Variants in MTPN observed in about 807,000 individuals in gnomAD.
MTPN encodes granule cell differentiation protein.
Under a neutral mutation model 13.5 loss-of-function variants are expected in MTPN, and 2 were observed. The ratio of observed to expected loss-of-function variants is 0.15; its 90% CI spans 0.06 to 0.47. MTPN has a LOEUF of 0.47. MTPN is among the 20% of genes least tolerant of loss of function. The pLI, the probability that MTPN is intolerant of heterozygous loss-of-function variation, is 0.97. For missense variants in MTPN, 79 were observed against 137.9 expected (o/e 0.57, Z 2.14); for synonymous variants, 46 against 51.7 (o/e 0.89, Z 0.48).
chr7:135,933,097 T>TAAA (rs1799050241), intron 3 of MTPN, among the ~76,000 whole-genome samples: 1 of 45,316 alleles, frequency 2.2e-5, no homozygotes. Context: ...TCACTCAGCC[T>TAAA]CAAAAAAAAA....
At chr7:135,953,343 T>C (rs1283288279) in intron 1 of MTPN, among the ~76,000 whole-genome samples, 1 of 152,208 alleles carries the variant, frequency 6.6e-6, no homozygotes, top group Non-Finnish European at 1.5e-5. Flanking sequence ...GAATGCAAAT[T>C]CCTTGGGAGT....
At chr7:135,968,828 A>T (rs969015938) in intron 1 of MTPN, among the ~76,000 whole-genome samples, 5 of 151,988 alleles carry the variant, frequency 3.3e-5, no homozygotes, top group East Asian at 1.9e-4. Flanking sequence ...GGGAAAAAAA[A>T]TTTTAAGGAA....
At chr7:135,934,963 GCTTTCAGA>G (rs1457492428) in intron 3 of MTPN, among the ~76,000 whole-genome samples, 1 of 152,124 alleles carries the variant, frequency 6.6e-6, no homozygotes, top group African/African-American at 2.4e-5. Context: ...CTGAGGACTG[GCTTTCAGA>G]CTTACCTACT....
intron 1 of MTPN, among the ~76,000 whole-genome samples, chr7:135,958,986 T>C (rs750428175): frequency 9.2e-5 from 14 of 152,174 alleles, no homozygotes; most frequent in Middle Eastern, 3.2e-3. Context: ...AACCACTCCA[T>C]TGCCACCACA....
intron 1 of MTPN, chr7:135,960,916 T>G (rs1474146014): frequency 6.6e-6 from 1 of 151,838 alleles, no homozygotes; most frequent in Non-Finnish European, 1.5e-5. Context: ...TAAGGGTGTC[T>G]TAAGAAGAGA....
chr7:135,944,390 A>G, intron 3 of MTPN, among the ~76,000 whole-genome samples: 1 of 152,156 alleles, frequency 6.6e-6, no homozygotes, highest in African/African-American at 2.4e-5. Flanking sequence ...AATGTGCAAC[A>G]TGAGGCCAGG....
chr7:135,962,059 T>G (rs1799532063), intron 1 of MTPN, among the ~76,000 whole-genome samples: 1 of 152,056 alleles, frequency 6.6e-6, no homozygotes. Context: ...AATGAGATTG[T>G]TAATGTATAT....
At chr7:135,949,989 TCTG>T (rs766710107) in intron 3 of MTPN, among the ~76,000 whole-genome samples, 77 of 152,274 alleles carry the variant, frequency 5.1e-4, no homozygotes, top group Middle Eastern at 3.4e-3. Context: ...CTTTCCAACA[TCTG>T]TAGGATCCAT....
intron 1 of MTPN, among the ~76,000 whole-genome samples, chr7:135,966,693 T>C (rs1330719756): frequency 1.3e-5 from 2 of 152,184 alleles, no homozygotes; most frequent in African/African-American, 2.4e-5. Flanking sequence ...CTACATCTTT[T>C]ATTATGCCTG....
chr7:135,927,196 A>T lies in MTPN; in HGVS notation c.*2730T>A, dbSNP rs1446885073. The T allele has an allele frequency of 2.9e-6, 3 of 1,046,558 alleles. No individual in the cohort carries two copies. Among genetic ancestry groups the T allele is most frequent in the Non-Finnish European group, 4.0e-6 (3 of 752,942 alleles). 64.8% of individuals were successfully genotyped at this position (1,046,558 alleles called of 1,614,324 possible). The stretch of plus-strand genomic sequence containing the variant: ...AATCCAGTACTTGGGAAAAGATATC[A>T]ATGAATAAAAGGCCTACTTGTTTGC... On this transcript the variant is annotated 3_prime_UTR_variant, in exon 4 of 4. Transcript: ENST00000393085.
intron 3 of MTPN, among the ~76,000 whole-genome samples, chr7:135,936,417 G>A (rs984209598): frequency 3.3e-5 from 5 of 152,158 alleles, no homozygotes; most frequent in Non-Finnish European, 7.4e-5. Flanking sequence ...CCCAGGAGGC[G>A]GAGGTTGCAG....
intron 1 of MTPN, among the ~76,000 whole-genome samples, chr7:135,964,675 G>A (rs1411142732): frequency 6.6e-6 from 1 of 151,834 alleles, no homozygotes; most frequent in African/African-American, 2.4e-5. Context: ...TTTTCTTTTA[G>A]AGAATTTCAT....
intron 1 of MTPN, among the ~76,000 whole-genome samples, chr7:135,959,725 A>T (rs1042552177): frequency 2.0e-5 from 3 of 152,038 alleles, no homozygotes; most frequent in Admixed American, 6.6e-5. Context: ...CCACCTGGCT[A>T]TCCCCACTGA....
intron 1 of MTPN, among the ~76,000 whole-genome samples, chr7:135,969,034 T>G (rs1218461865): frequency 7.0e-6 from 1 of 143,710 alleles, no homozygotes; most frequent in Non-Finnish European, 1.5e-5. Context: ...TATGTGGTGT[T>G]TGGTTTTTTG....
chr7:135,952,575 C>G (rs1156254736), intron 1 of MTPN, among the ~76,000 whole-genome samples: 1 of 152,124 alleles, frequency 6.6e-6, no homozygotes, highest in Admixed American at 6.5e-5. Flanking sequence ...AGATTTAAAC[C>G]CATTCTCTTT....
At chr7:135,961,112 A>G (rs1799515546) in intron 1 of MTPN, among the ~76,000 whole-genome samples, 1 of 152,122 alleles carries the variant, frequency 6.6e-6, no homozygotes, top group African/African-American at 2.4e-5. Flanking sequence ...ACTTGAGAAC[A>G]AACTTAAGAA....
At chr7:135,961,317 T>TC (rs1554394809) in intron 1 of MTPN, among the ~76,000 whole-genome samples, 3 of 149,480 alleles carry the variant, frequency 2.0e-5, no homozygotes, top group Admixed American at 6.7e-5. Context: ...TTCAGTTGAT[T>TC]CCCCCCCTCC....
intron 3 of MTPN, among the ~76,000 whole-genome samples, chr7:135,944,413 C>T (rs548230501): frequency 2.0e-5 from 3 of 152,076 alleles, no homozygotes; most frequent in South Asian, 2.1e-4. Context: ...TGGTGGCTCG[C>T]GCCTGTAATC....
At chr7:135,959,274 T>G (rs1040399700) in intron 1 of MTPN, among the ~76,000 whole-genome samples, 1 of 152,190 alleles carries the variant, frequency 6.6e-6, no homozygotes, top group African/African-American at 2.4e-5. Context: ...AATTCTTATT[T>G]TATAGAACAT....
Sources: gnomAD v4.1 joint callset for allele counts (sites outside exome capture counted in the v4.1 genomes callset) on GRCh38, gnomAD v4.1.1 for gene constraint, MANE v1.5 for transcripts, NCBI Gene and HGNC (gene_info 2026-07-23, HGNC 2026-07-21) for gene names.